Variants in SLC25A37 observed in about 807,000 individuals in gnomAD.
The protein encoded by SLC25A37 is mitoferrin-1.
SLC25A37 carries 17 observed loss-of-function variants against 31.0 expected under a neutral mutation model. That is an observed-to-expected ratio of 0.55 (90% CI 0.38 to 0.82). SLC25A37 has a LOEUF of 0.82. SLC25A37 is among the 40% of genes least tolerant of loss of function. The pLI, the probability that SLC25A37 is intolerant of heterozygous loss-of-function variation, is 0.00. For synonymous variants in SLC25A37, 222 were observed against 193.0 expected, an observed-to-expected ratio of 1.15 and a Z score of -1.24; for missense variants, 404 against 465.8, an observed-to-expected ratio of 0.87 and a Z score of 1.22.
At chr8:23,548,165 CAT>C (rs1047184920) in intron 1 of SLC25A37, among the ~76,000 whole-genome samples, 3 of 152,130 alleles carry the variant, frequency 2.0e-5, no homozygotes, top group Admixed American at 2.0e-4. Flanking sequence ...ATATTCACTT[CAT>C]TTCTTCTCTC....
chr8:23,550,921 C>G (rs938227535), intron 1 of SLC25A37, among the ~76,000 whole-genome samples: 4 of 152,246 alleles, frequency 2.6e-5, no homozygotes, highest in Non-Finnish European at 5.9e-5. Context: ...TATAGCTGAA[C>G]TTGGGCGGCC....
At chr8:23,561,534 C>T (rs1802515321) in intron 1 of SLC25A37, among the ~76,000 whole-genome samples, 1 of 152,234 alleles carries the variant, frequency 6.6e-6, no homozygotes, top group Non-Finnish European at 1.5e-5. Flanking sequence ...GATGGCCATG[C>T]CCTAAGGTTA....
intron 2 of SLC25A37, chr8:23,566,687 T>G (rs1002392566): frequency 6.0e-6 from 6 of 1,004,574 alleles, no homozygotes; most frequent in Middle Eastern, 5.0e-4. Flanking sequence ...AAACCCTGAA[T>G]AGAAACAAAA....
chr8:23,542,619 C>A (rs1801925481), intron 1 of SLC25A37, among the ~76,000 whole-genome samples: 1 of 151,416 alleles, frequency 6.6e-6, no homozygotes, highest in Admixed American at 6.6e-5. Context: ...CCTCAGGTGA[C>A]CCGCCCTCCT....
At chr8:23,557,143 A>G (rs1802389003) in intron 1 of SLC25A37, among the ~76,000 whole-genome samples, 2 of 152,048 alleles carry the variant, frequency 1.3e-5, no homozygotes, top group South Asian at 4.2e-4. Context: ...GAGCCGCCAC[A>G]CTTGGCCAAT....
chr8:23,538,279 G>T (rs1335322658), intron 1 of SLC25A37, among the ~76,000 whole-genome samples: 2 of 150,884 alleles, frequency 1.3e-5, no homozygotes, highest in African/African-American at 4.9e-5. Flanking sequence ...TACTTGGGAG[G>T]CTGAGGAAGG....
intron 1 of SLC25A37, among the ~76,000 whole-genome samples, chr8:23,531,521 G>A (rs1332109765): frequency 2.0e-5 from 3 of 152,200 alleles, no homozygotes; most frequent in Admixed American, 2.0e-4. Context: ...CCTCTTTTAT[G>A]TTACTTGAAA....
chr8:23,550,181 CAAAAAA>C lies in SLC25A37; in HGVS notation c.211-15912_211-15907del, dbSNP rs67552053. On this transcript the variant is annotated intron_variant, in intron 1 of 3. Coordinates refer to ENST00000519973, the MANE Select transcript of SLC25A37 (RefSeq NM_016612.4). ...GGGCAACAAGAGCGAAATTCCGTTT[CAAAAAA>C]AAAAAAAAAAAAAACACAAAAAAAC... Among the ~76,000 whole-genome samples the C allele has an allele frequency of 2.9e-5, 2 of 68,764 alleles. 1 individual carries two copies. Among genetic ancestry groups the C allele is most frequent in the South Asian group, 9.1e-4 (2 of 2,200 alleles). 45.1% of individuals were successfully genotyped at this position (68,764 alleles called of 152,430 possible). A position where few individuals can be genotyped will look rare whatever the true frequency, so the allele number is the denominator to read the frequency against.
chr8:23,566,083 GTT>G (rs1802644612), intron 1 of SLC25A37, 23 bp from the exon 2 acceptor site: 1 of 1,545,072 alleles, frequency 6.5e-7, no homozygotes, highest in African/African-American at 1.4e-5. Context: ...ATTTTTGTTT[GTT>G]TTCTCTTCTT....
chr8:23,572,730 G>A lies in SLC25A37; in HGVS notation c.*875G>A, dbSNP rs965208805. The stretch of plus-strand genomic sequence containing the variant: ...GCCCTGGCCTATTTTCTCTTGCTGT[G>A]TACACACACGCACACATGCTGGGTG... On this transcript the variant is annotated 3_prime_UTR_variant, in exon 4 of 4. Transcript: ENST00000519973. 1 of 151,638 alleles carries A rather than the reference G, an allele frequency of 6.6e-6. No individual in the cohort carries two copies. The highest frequency in any genetic ancestry group is 1.5e-5 in the Non-Finnish European group (1 of 67,992). The allele number at this position is 151,638 out of a possible 1,614,324, so 9.4% of individuals were successfully genotyped here.
Position 23,562,133 on chromosome 8 carries a change from C to T in SLC25A37, c.211-3975C>T, listed in dbSNP as rs576053438. Among the ~76,000 whole-genome samples the T allele has an allele frequency of 9.0e-4, 137 of 151,730 alleles. 1 individual carries two copies. The highest frequency in any genetic ancestry group is 2.9e-3 in the African/African-American group (121 of 41,540). On this transcript the variant is annotated intron_variant, in intron 1 of 3. Transcript: ENST00000519973. ...CTGCCCTTGGCTGGAAACCTCAGGG[C>T]TCCAGCCAGGGCTCATCCCCAAGAA...
intron 1 of SLC25A37, among the ~76,000 whole-genome samples, chr8:23,549,429 A>C (rs1452374860): frequency 6.6e-6 from 1 of 152,216 alleles, no homozygotes; most frequent in Non-Finnish European, 1.5e-5. Context: ...TTTGCATCCA[A>C]TACAACTTAA....
chr8:23,561,302 C>T (rs1334868489), intron 1 of SLC25A37, among the ~76,000 whole-genome samples: 4 of 152,064 alleles, frequency 2.6e-5, no homozygotes, highest in Admixed American at 6.6e-5. Flanking sequence ...CTGCTCTACC[C>T]CTAATTTAAA....
At chr8:23,544,256 G>T (rs1045160268) in intron 1 of SLC25A37, among the ~76,000 whole-genome samples, 6 of 152,194 alleles carry the variant, frequency 3.9e-5, no homozygotes, top group Non-Finnish European at 7.3e-5. Context: ...TGCTGTACAG[G>T]TTTGTAGCCT....
At chr8:23,543,629 G>C (rs1198964540) in intron 1 of SLC25A37, among the ~76,000 whole-genome samples, 1 of 152,076 alleles carries the variant, frequency 6.6e-6, no homozygotes, top group African/African-American at 2.4e-5. Context: ...CCATCTCCTG[G>C]CTTCATGCCA....
At chr8:23,534,317 T>C (rs1801721370) in intron 1 of SLC25A37, among the ~76,000 whole-genome samples, 1 of 152,106 alleles carries the variant, frequency 6.6e-6, no homozygotes, top group East Asian at 1.9e-4. Context: ...AAGTTCCTAC[T>C]GAGATGGATT....
rs1193081437 is a variant in SLC25A37 at position 23,538,565 on chromosome 8, C to T, written c.210+9353C>T. Among the ~76,000 whole-genome samples, 3 of 145,682 alleles carry T rather than the reference C, an allele frequency of 2.1e-5. No homozygotes were observed. The South Asian group carries it at 6.7e-4, about 33-fold the overall frequency. On this transcript the variant is annotated intron_variant, in intron 1 of 3. Coordinates refer to ENST00000519973, the MANE Select transcript of SLC25A37 (RefSeq NM_016612.4). ...TGTGTGTTTGTGTGTGTGTGTAGAA[C>T]CCAGCAAGCAGCAGCTATACCCCGA...
chr8:23,548,247 C>T (rs1415274071), intron 1 of SLC25A37, among the ~76,000 whole-genome samples: 2 of 152,122 alleles, frequency 1.3e-5, no homozygotes, highest in South Asian at 2.1e-4. Flanking sequence ...GGCGCGATCT[C>T]GGTTCACTGC....
intron 1 of SLC25A37, among the ~76,000 whole-genome samples, chr8:23,533,828 T>C (rs1326713717): frequency 6.6e-6 from 1 of 152,252 alleles, no homozygotes; most frequent in Admixed American, 6.5e-5. Context: ...TGGTGTTGGC[T>C]GGACCATGCC....
Sources: allele counts gnomAD v4.1 joint callset (sites outside exome capture counted in the v4.1 genomes callset), GRCh38; gene constraint gnomAD v4.1.1; transcripts MANE v1.5; gene names NCBI Gene and HGNC (gene_info 2026-07-23, HGNC 2026-07-21).